Variants in NEGR1 observed in about 807,000 individuals in gnomAD.
NEGR1 encodes IgLON family member 4.
Under a neutral mutation model 40.9 loss-of-function variants are expected in NEGR1, and 10 were observed. The ratio of observed to expected loss-of-function variants is 0.24; its 90% CI spans 0.15 to 0.42. The LOEUF is 0.42. NEGR1 is among the 10% of genes least tolerant of loss of function. The pLI, the probability that NEGR1 is intolerant of heterozygous loss-of-function variation, is 1.00. For missense variants in NEGR1, 352 were observed against 438.9 expected, an observed-to-expected ratio of 0.80 and a Z score of 1.77; for synonymous variants, 185 against 166.8, an observed-to-expected ratio of 1.11 and a Z score of -0.84.
chr1:71,513,539 C>A (rs189283607), intron 6 of NEGR1, among the ~76,000 whole-genome samples: 1 of 152,230 alleles, frequency 6.6e-6, no homozygotes, highest in Non-Finnish European at 1.5e-5. Context: ...TGAAGGCAAG[C>A]CAATATTAAA....
At chr1:71,845,208 T>C (rs1430182424) in intron 2 of NEGR1, among the ~76,000 whole-genome samples, 3 of 152,292 alleles carry the variant, frequency 2.0e-5, no homozygotes, top group South Asian at 4.1e-4. Flanking sequence ...ATTTTTGTTT[T>C]TATTTTTGAT....
intron 1 of NEGR1, among the ~76,000 whole-genome samples, chr1:71,950,982 A>G (rs189491105): frequency 1.3e-5 from 2 of 151,916 alleles, no homozygotes; most frequent in African/African-American, 4.8e-5. Context: ...AATTTATCAT[A>G]TGTGTGTCTT....
chr1:72,170,925 C>T (rs1651940209), intron 1 of NEGR1, among the ~76,000 whole-genome samples: 1 of 152,148 alleles, frequency 6.6e-6, no homozygotes, highest in African/African-American at 2.4e-5. Flanking sequence ...TTAGTCTGTG[C>T]TCCTGGGCTT....
At chr1:72,247,535 T>C in intron 1 of NEGR1, among the ~76,000 whole-genome samples, 1 of 152,216 alleles carries the variant, frequency 6.6e-6, no homozygotes, top group East Asian at 1.9e-4. Flanking sequence ...AGCCAAGTTC[T>C]TTGCTAAGGC....
At chr1:71,576,801 T>A (rs943251521) in intron 6 of NEGR1, among the ~76,000 whole-genome samples, 8 of 152,210 alleles carry the variant, frequency 5.3e-5, no homozygotes, top group African/African-American at 1.9e-4. Flanking sequence ...TGAGACCTTT[T>A]CCTTCCCTCT....
At chr1:72,209,531 C>T (rs1653524042) in intron 1 of NEGR1, among the ~76,000 whole-genome samples, 1 of 151,696 alleles carries the variant, frequency 6.6e-6, no homozygotes, top group African/African-American at 2.4e-5. Flanking sequence ...AACACCTATC[C>T]CACTCATTCA....
At chr1:71,683,260 G>A (rs932729418) in intron 4 of NEGR1, among the ~76,000 whole-genome samples, 1 of 151,974 alleles carries the variant, frequency 6.6e-6, no homozygotes, top group Non-Finnish European at 1.5e-5. Flanking sequence ...TTTGTTTAAT[G>A]TGAAGGGATC....
intron 2 of NEGR1, among the ~76,000 whole-genome samples, chr1:71,929,141 T>C (rs2101892480): frequency 6.6e-6 from 1 of 152,212 alleles, no homozygotes; most frequent in Non-Finnish European, 1.5e-5. Flanking sequence ...TGTTATCTAG[T>C]TATTGATATA....
At chr1:71,635,647 G>T (rs1651123089) in intron 4 of NEGR1, among the ~76,000 whole-genome samples, 1 of 152,096 alleles carries the variant, frequency 6.6e-6, no homozygotes, top group South Asian at 2.1e-4. Context: ...GTTAATAATA[G>T]CAGCTGTCTG....
chr1:71,521,285 C>A (rs1647155712), intron 6 of NEGR1, among the ~76,000 whole-genome samples: 1 of 151,960 alleles, frequency 6.6e-6, no homozygotes, highest in Admixed American at 6.6e-5. Context: ...GACCCATAGA[C>A]CTTTCATACC....
intron 1 of NEGR1, among the ~76,000 whole-genome samples, chr1:71,971,230 A>G (rs1646253699): frequency 6.6e-6 from 1 of 152,206 alleles, no homozygotes; most frequent in South Asian, 2.1e-4. Context: ...CTGTCGGTAC[A>G]CTGATTTCTG....
chr1:72,062,113 C>T (rs1413916682), intron 1 of NEGR1, among the ~76,000 whole-genome samples: 1 of 151,862 alleles, frequency 6.6e-6, no homozygotes, highest in African/African-American at 2.4e-5. Context: ...TTGGCATGGG[C>T]TTTATGTTCC....
At position 72,149,879 on chromosome 1, in the gene NEGR1, CA is replaced by C. The variant is rs1180110033; in HGVS notation, c.176+132439del. On this transcript the variant is annotated intron_variant, in intron 1 of 6. Transcript: ENST00000357731. ...CTGGGCAACAAGAACAAAACTCTGT[CA>C]AAAAAAAAAAAAAAAAAAAAAGAAA... Among the ~76,000 whole-genome samples the C allele has an allele frequency of 7.6e-3, 301 of 39,376 alleles. 1 individual carries two copies. Among genetic ancestry groups the C allele is most frequent in the East Asian group, 0.073 (93 of 1,272 alleles). 25.8% of individuals were successfully genotyped at this position (39,376 alleles called of 152,430 possible).
chr1:71,689,157 C>T (rs1242013210), intron 4 of NEGR1, among the ~76,000 whole-genome samples: 1 of 152,086 alleles, frequency 6.6e-6, no homozygotes, highest in African/African-American at 2.4e-5. Flanking sequence ...GCCAACAATG[C>T]GTAATAGAAC....
chr1:72,229,562 A>C (rs1360278491), intron 1 of NEGR1, among the ~76,000 whole-genome samples: 1 of 150,312 alleles, frequency 6.7e-6, no homozygotes, highest in Non-Finnish European at 1.5e-5. Context: ...ATAATATATA[A>C]TTTTCCAGAT....
chr1:72,104,700 T>TA (rs1270238521), intron 1 of NEGR1, among the ~76,000 whole-genome samples: 5 of 152,300 alleles, frequency 3.3e-5, no homozygotes, highest in Middle Eastern at 3.4e-3. Context: ...ATTAATTTGA[T>TA]AGACTCTTGT....
At chr1:72,055,372 G>T (rs939748288) in intron 1 of NEGR1, among the ~76,000 whole-genome samples, 3 of 151,126 alleles carry the variant, frequency 2.0e-5, no homozygotes, top group South Asian at 2.1e-4. Context: ...ATTGAACAAA[G>T]AATCTTCTTT....
chr1:72,184,581 T>C (rs1038029560), intron 1 of NEGR1, among the ~76,000 whole-genome samples: 1 of 151,954 alleles, frequency 6.6e-6, no homozygotes, highest in Non-Finnish European at 1.5e-5. Flanking sequence ...ACACTAAGAA[T>C]GACAGAAGAA....
At chr1:72,080,809 A>C (rs1041714079) in intron 1 of NEGR1, among the ~76,000 whole-genome samples, 2 of 152,094 alleles carry the variant, frequency 1.3e-5, no homozygotes, top group African/African-American at 4.8e-5. Flanking sequence ...TTACAGAAAA[A>C]AGCTAAATAA....
Sources: allele counts gnomAD v4.1 joint callset (sites outside exome capture counted in the v4.1 genomes callset), GRCh38; gene constraint gnomAD v4.1.1; transcripts MANE v1.5; gene names NCBI Gene and HGNC (gene_info 2026-07-23, HGNC 2026-07-21).